Variants in RALYL observed in about 807,000 individuals in gnomAD.
RALYL encodes the protein RNA-binding Raly-like protein.
RALYL carries 29 observed loss-of-function variants against 35.1 expected under a neutral mutation model. The observed-to-expected ratio is 0.83, with a 90% CI of 0.61 to 1.13. RALYL has a LOEUF of 1.13. Among genes scored for constraint, RALYL ranks in the 50% most tolerant of loss-of-function variants. The pLI is 0.00. For missense variants in RALYL, 359 were observed against 360.4 expected (o/e 1.00, Z 0.03); for synonymous variants, 120 against 127.6 (o/e 0.94, Z 0.40).
At chr8:84,492,503 C>A (rs1446498907) in intron 1 of RALYL, among the ~76,000 whole-genome samples, 2 of 152,004 alleles carry the variant, frequency 1.3e-5, no homozygotes, top group Non-Finnish European at 2.9e-5. Flanking sequence ...GCAGTCTGAC[C>A]TTACTTTATC....
intron 1 of RALYL, among the ~76,000 whole-genome samples, chr8:84,424,774 G>T (rs1204226561): frequency 6.6e-6 from 1 of 152,086 alleles, no homozygotes; most frequent in Non-Finnish European, 1.5e-5. Context: ...TAACAGACAG[G>T]ACCCTCAGCT....
At chr8:84,871,739 A>G (rs1840226024) in intron 6 of RALYL, among the ~76,000 whole-genome samples, 1 of 152,170 alleles carries the variant, frequency 6.6e-6, no homozygotes, top group Non-Finnish European at 1.5e-5. Flanking sequence ...TTTGCAAACT[A>G]CTTTGCATTG....
At chr8:84,744,013 T>C (rs943763570) in intron 2 of RALYL, among the ~76,000 whole-genome samples, 1 of 152,010 alleles carries the variant, frequency 6.6e-6, no homozygotes, top group Non-Finnish European at 1.5e-5. Context: ...TGGAGACGGA[T>C]AGTAGCAATG....
At position 84,774,703 on chromosome 8, in the gene RALYL, G is replaced by T. The variant is rs375765458; in HGVS notation, c.332+49G>T. 4 of 1,279,174 alleles carry T rather than the reference G, an allele frequency of 3.1e-6. No individual in the cohort carries two copies. In the African/African-American group the frequency reaches 4.5e-5, roughly 14 times the overall value. The allele number at this position is 1,279,174 out of a possible 1,614,324, so 79.2% of individuals were successfully genotyped here. The stretch of plus-strand genomic sequence containing the variant: ...CTCTATATATTAGTGAAATTTTCTT[G>T]CAGCTTTATAAGGCAATATAACTTG... On this transcript the variant is annotated intron_variant, in intron 3 of 8. Coordinates refer to ENST00000521268, the MANE Select transcript of RALYL (RefSeq NM_173848.7).
chr8:84,336,685 G>A (rs1487397043), intron 1 of RALYL, among the ~76,000 whole-genome samples: 2 of 151,998 alleles, frequency 1.3e-5, no homozygotes, highest in African/African-American at 4.8e-5. Flanking sequence ...AAGATGAGAA[G>A]TTCCAAAGAA....
intron 2 of RALYL, among the ~76,000 whole-genome samples, chr8:84,724,220 A>T (rs1012282608): frequency 2.6e-5 from 4 of 151,844 alleles, no homozygotes; most frequent in Non-Finnish European, 5.9e-5. Flanking sequence ...CAAGGCTACA[A>T]AGGGTGAAAC....
chr8:84,656,175 T>A (rs965406841), intron 2 of RALYL, among the ~76,000 whole-genome samples: 2 of 152,166 alleles, frequency 1.3e-5, no homozygotes, highest in Non-Finnish European at 2.9e-5. Flanking sequence ...AGTACAAGAC[T>A]GGTTTTTACC....
At chr8:84,752,000 G>T (rs191744872) in intron 2 of RALYL, among the ~76,000 whole-genome samples, 1 of 152,134 alleles carries the variant, frequency 6.6e-6, no homozygotes, top group African/African-American at 2.4e-5. Flanking sequence ...GGCAGAGGTC[G>T]GAACAGATTG....
chr8:84,730,658 C>A (rs1845994630), intron 2 of RALYL, among the ~76,000 whole-genome samples: 1 of 132,822 alleles, frequency 7.5e-6, no homozygotes, highest in African/African-American at 3.4e-5. Flanking sequence ...CCCAAAAACT[C>A]TTCACTATAT....
intron 7 of RALYL, among the ~76,000 whole-genome samples, chr8:84,880,715 T>C (rs1445902239): frequency 1.3e-5 from 2 of 152,012 alleles, no homozygotes; most frequent in African/African-American, 4.8e-5. Context: ...TTCAATGACT[T>C]AGTGATTTTA....
intron 1 of RALYL, among the ~76,000 whole-genome samples, chr8:84,380,466 C>T (rs1857755074): frequency 6.6e-6 from 1 of 151,818 alleles, no homozygotes; most frequent in South Asian, 2.1e-4. Flanking sequence ...ATACTGTTTC[C>T]ACCTGAGTTT....
At chr8:84,744,993 A>G (rs1248313392) in intron 2 of RALYL, among the ~76,000 whole-genome samples, 2 of 151,942 alleles carry the variant, frequency 1.3e-5, no homozygotes, top group East Asian at 1.9e-4. Flanking sequence ...GAAAAACATT[A>G]GTTGAGCACA....
At chr8:84,516,872 G>A (rs1296583488) in intron 1 of RALYL, among the ~76,000 whole-genome samples, 1 of 152,138 alleles carries the variant, frequency 6.6e-6, no homozygotes, top group Non-Finnish European at 1.5e-5. Context: ...CCATATCAGT[G>A]TGTGAGTGTA....
chr8:84,828,952 T>C (rs990658303), intron 4 of RALYL: 1 of 151,170 alleles, frequency 6.6e-6, no homozygotes, highest in Non-Finnish European at 1.5e-5. Context: ...ACCCACTACC[T>C]TAAAAAAAAA....
chr8:84,821,884 GT>G (rs1828606773), intron 4 of RALYL, among the ~76,000 whole-genome samples: 1 of 152,064 alleles, frequency 6.6e-6, no homozygotes, highest in African/African-American at 2.4e-5. Flanking sequence ...AAAATGAAAA[GT>G]CAATCCTCAA....
chr8:84,437,061 G>A (rs1181519340), intron 1 of RALYL, among the ~76,000 whole-genome samples: 1 of 151,950 alleles, frequency 6.6e-6, no homozygotes, highest in African/African-American at 2.4e-5. Context: ...GTTTATTGCT[G>A]CCATTTTTAT....
intron 1 of RALYL, among the ~76,000 whole-genome samples, chr8:84,293,939 T>C (rs1459320056): frequency 6.6e-6 from 1 of 152,106 alleles, no homozygotes; most frequent in Non-Finnish European, 1.5e-5. Flanking sequence ...GTCCTTTTAC[T>C]TGTGATACCA....
At chr8:84,605,639 G>T (rs1816947833) in intron 2 of RALYL, among the ~76,000 whole-genome samples, 1 of 151,964 alleles carries the variant, frequency 6.6e-6, no homozygotes, top group Non-Finnish European at 1.5e-5. Flanking sequence ...GTGTACATTG[G>T]GTCTATTATT....
At chr8:84,678,147 G>T (rs191144533) in intron 2 of RALYL, among the ~76,000 whole-genome samples, 2 of 151,936 alleles carry the variant, frequency 1.3e-5, no homozygotes, top group South Asian at 2.1e-4. Context: ...TTTTAACATT[G>T]TCTATATGGG....
Sources: gnomAD v4.1 joint callset for allele counts (sites outside exome capture counted in the v4.1 genomes callset) on GRCh38, gnomAD v4.1.1 for gene constraint, MANE v1.5 for transcripts, NCBI Gene and HGNC (gene_info 2026-07-23, HGNC 2026-07-21) for gene names.